ZNF347: variants seen among roughly 807,000 people sequenced by gnomAD.
ZNF347 encodes zinc finger protein 347.
In ZNF347, 19 loss-of-function variants were observed where a neutral mutation model predicts 12.9. That is an observed-to-expected ratio of 1.47 (90% CI 1.03 to 2.16). ZNF347 has a LOEUF of 2.16. Among genes scored for constraint, ZNF347 ranks in the 30% most tolerant of loss-of-function variants. ZNF347 has a pLI of 0.00. For synonymous variants in ZNF347, 328 were observed against 340.6 expected (o/e 0.96, Z 0.41); for missense variants, 1,005 against 990.6 (o/e 1.01, Z -0.19).
rs1237358261 is a variant in ZNF347, at chr19:53,141,667, G to A, written c.1161C>T (p.Ser387=). The A allele has an allele frequency of 1.2e-6, 2 of 1,613,772 alleles. No homozygotes were observed. The highest frequency in any genetic ancestry group is 1.3e-5 in the African/African-American group (1 of 74,826). ...ECGKAFRARS[S]LAIHQATHSG... ...TGTGGGTTGCCTGATGGATAGCTAA[G>A]CTTGAACGAGCTCTAAAGGCTTTCC... The change falls in exon 5 of 5, where the codon AGC becomes AGT. Residue 387 remains serine, a synonymous_variant. Transcript: ENST00000334197.
chr19:53,152,383 G>C (rs2090504444), intron 2 of ZNF347, among the ~76,000 whole-genome samples: 1 of 151,624 alleles, frequency 6.6e-6, no homozygotes, highest in Admixed American at 6.6e-5. Flanking sequence ...AAGGTGGGCT[G>C]ATCACTTCAG....
At chr19:53,149,838 GCCCCCACCGA>G (rs771998758) in intron 2 of ZNF347, among the ~76,000 whole-genome samples, 12 of 151,956 alleles carry the variant, frequency 7.9e-5, no homozygotes, top group Non-Finnish European at 1.6e-4. Context: ...CTCTGAGGAC[GCCCCCACCGA>G]CCCCCACCAA....
rs1226328836 is a variant in ZNF347 at position 53,135,519 on chromosome 19, C to T, written c.*4789G>A. On this transcript the variant is annotated 3_prime_UTR_variant, in exon 5 of 5. Transcript: ENST00000334197. The stretch of plus-strand genomic sequence containing the variant: ...TCCCGAATAGCTGGGATTACAGGCG[C>T]CCGCCATCACACCCAGCTAATTTTT... 1 of 151,846 alleles carries T rather than the reference C, an allele frequency of 6.6e-6. No homozygotes were observed. Among genetic ancestry groups the T allele is most frequent in the East Asian group, 1.9e-4 (1 of 5,156 alleles). The allele number at this position is 151,846 out of a possible 1,614,324, so 9.4% of individuals were successfully genotyped here.
At chr19:53,147,613 T>C (rs1199379101) in intron 4 of ZNF347, among the ~76,000 whole-genome samples, 1 of 151,906 alleles carries the variant, frequency 6.6e-6, no homozygotes, top group Admixed American at 6.6e-5. Flanking sequence ...TAAAGAATAC[T>C]AATTCTACTC....
At chr19:53,158,167 AG>A (rs2090547476) in intron 1 of ZNF347, among the ~76,000 whole-genome samples, 1 of 152,182 alleles carries the variant, frequency 6.6e-6, no homozygotes, top group South Asian at 2.1e-4. Context: ...CGGGTGTCAC[AG>A]GACAGGCCCC....
rs527855359 is a variant in ZNF347, at chr19:53,135,857, T to C, written c.*4451A>G. 10 of 152,248 alleles carry C rather than the reference T, an allele frequency of 6.6e-5. No individual in the cohort carries two copies. Among genetic ancestry groups the C allele is most frequent in the Non-Finnish European group, 8.8e-5 (6 of 68,008 alleles). 9.4% of individuals were successfully genotyped at this position (152,248 alleles called of 1,614,324 possible). On this transcript the variant is annotated 3_prime_UTR_variant, in exon 5 of 5. Transcript: ENST00000334197. The stretch of plus-strand genomic sequence containing the variant: ...AAGATAAATCACTTATTAAAGAATA[T>C]ATATCAGTTTTTTAAAATGGAAACA...
At chr19:53,149,847 G>A (rs1191227597) in intron 2 of ZNF347, among the ~76,000 whole-genome samples, 2 of 151,920 alleles carry the variant, frequency 1.3e-5, no homozygotes, top group South Asian at 4.2e-4. Context: ...CGCCCCCACC[G>A]ACCCCCACCA....
At position 53,135,988 on chromosome 19, in the gene ZNF347, T is replaced by C. The variant is rs1309829627; in HGVS notation, c.*4320A>G. 1.3e-5 allele frequency: 2 copies of C among 152,106 alleles called. No individual in the cohort carries two copies. The highest frequency in any genetic ancestry group is 2.4e-5 in the African/African-American group (1 of 41,420). The allele number at this position is 152,106 out of a possible 1,614,324, so 9.4% of individuals were successfully genotyped here. On this transcript the variant is annotated 3_prime_UTR_variant, in exon 5 of 5. Coordinates refer to ENST00000334197, the MANE Select transcript of ZNF347 (RefSeq NM_032584.3). ...CTCAGAAAAGAAATACCAGCCACAG[T>C]AGGAAGTTGAATTGCCTCCAGGGAT...
chr19:53,145,172 T>C (rs1372766999), intron 4 of ZNF347, among the ~76,000 whole-genome samples: 1 of 150,868 alleles, frequency 6.6e-6, no homozygotes, highest in Non-Finnish European at 1.5e-5. Context: ...ACGCCTATAA[T>C]CCTAGCTACT....
intron 4 of ZNF347, among the ~76,000 whole-genome samples, chr19:53,143,488 T>C (rs2090443231): frequency 6.6e-6 from 1 of 151,144 alleles, no homozygotes; most frequent in African/African-American, 2.4e-5. Flanking sequence ...TTTGGTTTTT[T>C]GTCCTTGCGA....
chr19:53,140,374 G>A lies in ZNF347; in HGVS notation c.2454C>T (p.Tyr818=), dbSNP rs763020101. The change falls in exon 5 of 5, where the codon TAC becomes TAT. Residue 818 remains tyrosine (Y), a synonymous_variant. Coordinates refer to ENST00000334197, the MANE Select transcript of ZNF347 (RefSeq NM_032584.3). The stretch of plus-strand genomic sequence containing the variant: ...TTAGAACTTTCCACACGTTACATTT[G>A]TAAGGTTTCCCACCAGTATGGATTG... ...HQTIHTGGKP[Y]KCNVWKVLKS... 4 of 1,603,536 alleles carry A rather than the reference G, an allele frequency of 2.5e-6. No homozygotes were observed. Among genetic ancestry groups the A allele is most frequent in the Non-Finnish European group, 2.6e-6 (3 of 1,175,900 alleles).
At position 53,141,545 on chromosome 19, in the gene ZNF347, G is replaced by A. The variant is rs746960815; in HGVS notation, c.1283C>T (p.Pro428Leu). Residue 428 changes from proline (P) to leucine (L), a missense_variant, in exon 5 of 5, where the codon CCT becomes CTT. Transcript: ENST00000334197. Reference sequence around the variant, plus strand: ...TTTGCCGCACTCATTACACTTGTAAGGTTTCTCTCCAGTGTGAATTCTCCA... The same window carrying A: ...TTTGCCGCACTCATTACACTTGTAAAGTTTCTCTCCAGTGTGAATTCTCCA... ...NHWRIHTGEK[P>L]YKCNECGKAF... is the part of the protein sequence containing the mutation. The A allele has an allele frequency of 1.9e-6, 3 of 1,613,930 alleles. No individual in the cohort carries two copies. The South Asian group carries it at 3.3e-5, about 18-fold the overall frequency.
intron 3 of ZNF347, 117 bp from the exon 4 acceptor site, chr19:53,148,926 A>C: frequency 7.4e-7 from 1 of 1,346,456 alleles, no homozygotes; most frequent in Non-Finnish European, 1.0e-6. Flanking sequence ...TCAAAAATTC[A>C]TCCACTAAAT....
chr19:53,156,707 G>A (rs1365626549), intron 1 of ZNF347, among the ~76,000 whole-genome samples: 2 of 152,190 alleles, frequency 1.3e-5, no homozygotes, highest in Non-Finnish European at 2.9e-5. Context: ...CTGAGGTGGT[G>A]GGGAGGGGGA....
rs1167628541 is a variant in ZNF347, at chr19:53,140,730, G to C, written c.2098C>G (p.Gln700Glu). 6.2e-7 allele frequency: 1 copy of C among 1,612,964 alleles called. No homozygotes were observed. Among genetic ancestry groups the C allele is most frequent in the Non-Finnish European group, 8.5e-7 (1 of 1,179,500 alleles). ...GGTTTCTCTCCAGTATGAACTCTCT[G>C]ATGCCTTGCAAGCTTTGATGTTTGA... ...FSQTSKLARH[Q>E]RVHTGEKPYE... The change falls in exon 5 of 5, where the codon CAG (glutamine) becomes GAG (glutamate). Residue 700 changes from glutamine to glutamate, a missense_variant. Physicochemically the swap from Gln to Glu is conservative, Grantham distance 29. Transcript: ENST00000334197.
chr19:53,135,285 C>A lies in ZNF347; in HGVS notation c.*5023G>T, dbSNP rs2090378586. ...TTCAGTGAAATGTCTCTTCATAGTTCTACCCATTTTCTAAATATATATATA... is the reference window on the plus strand; with the variant it reads ...TTCAGTGAAATGTCTCTTCATAGTTATACCCATTTTCTAAATATATATATA... On this transcript the variant is annotated 3_prime_UTR_variant, in exon 5 of 5. Coordinates refer to ENST00000334197, the MANE Select transcript of ZNF347 (RefSeq NM_032584.3). 1 of 137,652 alleles carries A rather than the reference C, an allele frequency of 7.3e-6. No individual in the cohort carries two copies. Among genetic ancestry groups the A allele is most frequent in the Admixed American group, 7.7e-5 (1 of 13,068 alleles). The allele number at this position is 137,652 out of a possible 1,614,324, so 8.5% of individuals were successfully genotyped here. A position where few individuals can be genotyped will look rare whatever the true frequency, so the allele number is the denominator to read the frequency against.
At chr19:53,153,568 A>G (rs2090512515) in intron 2 of ZNF347, among the ~76,000 whole-genome samples, 165 bp downstream of exon 2, 1 of 152,164 alleles carries the variant, frequency 6.6e-6, no homozygotes, top group Non-Finnish European at 1.5e-5. Flanking sequence ...GGGTCACGAG[A>G]GATGGAATCT....
rs746780024 is a variant in ZNF347 at position 53,140,762 on chromosome 19, G to A, written c.2066C>T (p.Ala689Val). The change falls in exon 5 of 5, where the codon GCC becomes GTC. Residue 689 changes from alanine (A) to valine (V), a missense_variant. By Grantham distance (64) the Ala-to-Val change is moderately conservative. Coordinates refer to ENST00000334197, the MANE Select transcript of ZNF347 (RefSeq NM_032584.3). ...TGCAAGCTTTGATGTTTGACTAAAGGCTTTGCCACATTCATTACACTGGTA... is the reference window on the plus strand; with the variant it reads ...TGCAAGCTTTGATGTTTGACTAAAGACTTTGCCACATTCATTACACTGGTA... The part of the protein sequence containing the change: ...KPYQCNECGK[A>V]FSQTSKLARH... The A allele has an allele frequency of 2.5e-6, 4 of 1,612,184 alleles. No individual in the cohort carries two copies. Among genetic ancestry groups the A allele is most frequent in the Non-Finnish European group, 2.5e-6 (3 of 1,179,098 alleles).
rs2090381896 is a variant in ZNF347 at position 53,135,339 on chromosome 19, T to TATATAGAGAGAGAGAG, written c.*4968_*4969insCTCTCTCTCTCTATAT. 1 of 85,256 alleles carries TATATAGAGAGAGAGAG rather than the reference T, an allele frequency of 1.2e-5. No individual in the cohort carries two copies. Among genetic ancestry groups the TATATAGAGAGAGAGAG allele is most frequent in the African/African-American group, 5.8e-5 (1 of 17,188 alleles). The allele number at this position is 85,256 out of a possible 1,614,324, so 5.3% of individuals were successfully genotyped here. On this transcript the variant is annotated 3_prime_UTR_variant, in exon 5 of 5. Coordinates refer to ENST00000334197, the MANE Select transcript of ZNF347 (RefSeq NM_032584.3). ...ATATATATATATATATATATATATA[T>TATATAGAGAGAGAGAG]AGAGAGAGAGAGAGAGAGAGAGAGA...
Sources: allele counts gnomAD v4.1 joint callset (sites outside exome capture counted in the v4.1 genomes callset), GRCh38; gene constraint gnomAD v4.1.1; transcripts MANE v1.5; gene names NCBI Gene and HGNC (gene_info 2026-07-23, HGNC 2026-07-21).